PPP2R5C: variants seen among roughly 807,000 people sequenced by gnomAD.
The protein encoded by PPP2R5C is serine/threonine-protein phosphatase 2A 56 kDa regulatory subunit gamma isoform.
Under a neutral mutation model 68.9 loss-of-function variants are expected in PPP2R5C, and 7 were observed. The ratio of observed to expected loss-of-function variants is 0.10; its 90% CI spans 0.06 to 0.19. The LOEUF is 0.19. PPP2R5C is among the 10% of genes least tolerant of loss of function. PPP2R5C has a pLI of 1.00. For synonymous variants in PPP2R5C, 210 were observed against 222.2 expected, an observed-to-expected ratio of 0.95 and a Z score of 0.49; for missense variants, 348 against 641.3, an observed-to-expected ratio of 0.54 and a Z score of 4.94.
chr14:101,884,883 G>A (rs1034910425), intron 5 of PPP2R5C, among the ~76,000 whole-genome samples: 2 of 152,262 alleles, frequency 1.3e-5, no homozygotes, highest in Non-Finnish European at 2.9e-5. Flanking sequence ...CCAGTTTCGT[G>A]CTCCCCACTG....
At chr14:101,837,274 G>A (rs2041171324) in intron 1 of PPP2R5C, among the ~76,000 whole-genome samples, 1 of 152,040 alleles carries the variant, frequency 6.6e-6, no homozygotes, top group East Asian at 1.9e-4. Flanking sequence ...CTCCCAAGTA[G>A]CTGGGATTAC....
At chr14:101,804,642 C>T (rs1212372994) in intron 3 of PPP2R5C, among the ~76,000 whole-genome samples, 2 of 151,970 alleles carry the variant, frequency 1.3e-5, no homozygotes, top group Non-Finnish European at 2.9e-5. Context: ...CATGTTCTCA[C>T]ATATTCATGG....
chr14:101,813,313 G>A (rs1722425001), intron 1 of PPP2R5C, among the ~76,000 whole-genome samples: 1 of 152,248 alleles, frequency 6.6e-6, no homozygotes. Context: ...CTTTGTGGGT[G>A]AAAGCAGCCA....
In PPP2R5C at chr14:101,917,233, G is replaced by A. The variant is rs892785719; in HGVS notation, c.1327-598G>A. ...GGGAGAGTGGAGAAGTCCCAGGGCC[G>A]CCCGTAGGGAATGGAGAGGGAGCGT... is the stretch of plus-strand genomic sequence containing the variant. On this transcript the variant is annotated intron_variant, in intron 12 of 13. Coordinates refer to ENST00000334743, the Ensembl canonical transcript of PPP2R5C. The surrounding 1 kb of genome is among the most constrained non-coding windows in gnomAD (Gnocchi z 4.4). 1.1e-4 allele frequency among the ~76,000 whole-genome samples: 17 copies of A among 152,190 alleles called. No individual in the cohort carries two copies. Among genetic ancestry groups the A allele is most frequent in the Admixed American group, 3.3e-4 (5 of 15,280 alleles).
chr14:101,925,417 G>C, exon 14 of PPP2R5C: 1 of 1,357,204 alleles, frequency 7.4e-7, no homozygotes, highest in Non-Finnish European at 9.7e-7. Context: ...GTCCGCCTCA[G>C]CGCGAGATTA....
At chr14:101,876,317 CAG>C (rs990698910) in intron 2 of PPP2R5C, among the ~76,000 whole-genome samples, 13 of 151,968 alleles carry the variant, frequency 8.6e-5, no homozygotes, top group African/African-American at 2.9e-4. Context: ...ATGAATAAAA[CAG>C]AGAATAAATA....
Position 101,861,641 on chromosome 14 carries a change from T to G in PPP2R5C, c.294+4756T>G, listed in dbSNP as rs773963594. 4.6e-5 allele frequency among the ~76,000 whole-genome samples: 7 copies of G among 152,318 alleles called. No homozygotes were observed. The South Asian group carries it at 1.4e-3, about 32-fold the overall frequency. The stretch of plus-strand genomic sequence containing the variant: ...TTGTGCACACATGGTCTTAGGACTC[T>G]ATGATGAAATGTGAAGGTTTCATAA... On this transcript the variant is annotated intron_variant, in intron 2 of 13. Transcript: ENST00000334743.
rs1350418470 is a variant in PPP2R5C, at chr14:101,906,299, G to A, written c.1024-103G>A. ...TTTGTAGAAATAATCATAATTTTCTGGTCCAAGGTAGTTCATTACCCGACT... is the reference window on the plus strand; with the variant it reads ...TTTGTAGAAATAATCATAATTTTCTAGTCCAAGGTAGTTCATTACCCGACT... On this transcript the variant is annotated intron_variant, in intron 9 of 13. Coordinates refer to ENST00000334743, the Ensembl canonical transcript of PPP2R5C. This position sits in a 1 kb window ranked among gnomAD's most constrained non-coding sequence, Gnocchi z 4.0. The A allele has an allele frequency of 1.7e-6, 2 of 1,204,176 alleles. No homozygotes were observed. Among genetic ancestry groups the A allele is most frequent in the Admixed American group, 2.7e-5 (1 of 37,700 alleles). The allele number at this position is 1,204,176 out of a possible 1,614,324, so 74.6% of individuals were successfully genotyped here. A position where few individuals can be genotyped will look rare whatever the true frequency, so the allele number is the denominator to read the frequency against.
At position 101,888,806 on chromosome 14, in the gene PPP2R5C, C is replaced by T. The variant is rs557020567; in HGVS notation, c.630-1431C>T. ...GGAGTTTTGCCATGTTGGCCAGGCCCGTCTTGAACTCCTGACCTCAGGTGA... is the reference window on the plus strand; with the variant it reads ...GGAGTTTTGCCATGTTGGCCAGGCCTGTCTTGAACTCCTGACCTCAGGTGA... On this transcript the variant is annotated intron_variant, in intron 5 of 13. Transcript: ENST00000334743. The surrounding 1 kb of genome is among the most constrained non-coding windows in gnomAD (Gnocchi z 5.6). Among the ~76,000 whole-genome samples the T allele has an allele frequency of 6.6e-6, 1 of 152,110 alleles. No homozygotes were observed. Among genetic ancestry groups the T allele is most frequent in the Non-Finnish European group, 1.5e-5 (1 of 67,980 alleles).
intron 1 of PPP2R5C, among the ~76,000 whole-genome samples, chr14:101,815,543 G>A (rs2039606359): frequency 2.6e-5 from 4 of 152,160 alleles, no homozygotes; most frequent in Non-Finnish European, 5.9e-5. Flanking sequence ...GGAGTATCCC[G>A]AGGACAGTCC....
chr14:101,877,596 C>T lies in PPP2R5C; in HGVS notation c.295-4565C>T, dbSNP rs183261590. 2.1e-3 allele frequency among the ~76,000 whole-genome samples: 315 copies of T among 152,242 alleles called. 2 individuals are homozygous for T. The highest frequency in any genetic ancestry group is 7.0e-3 in the African/African-American group (292 of 41,528). On this transcript the variant is annotated intron_variant, in intron 2 of 13. Transcript: ENST00000334743. This position sits in a 1 kb window ranked among gnomAD's most constrained non-coding sequence, Gnocchi z 4.2. ...ACATTTGCACACAGACATCAGCACC[C>T]CAGGTTTCTGTACCTGGGGCTCCTG...
At chr14:101,842,757 C>CT (rs60913362) in intron 1 of PPP2R5C, among the ~76,000 whole-genome samples, 106,089 of 137,862 alleles carry the variant, frequency 0.77, 41,066 homozygotes, top group Admixed American at 0.86. Flanking sequence ...TGTCTTTTTT[C>CT]TTTTTTTTTT....
At chr14:101,908,899 CG>C (rs1019834925) in intron 10 of PPP2R5C, among the ~76,000 whole-genome samples, 27 of 152,176 alleles carry the variant, frequency 1.8e-4, no homozygotes, top group African/African-American at 6.5e-4. Context: ...TTGAGGGTTA[CG>C]TTTTTTGGGA....
intron 1 of PPP2R5C, among the ~76,000 whole-genome samples, chr14:101,853,705 C>T (rs1335170272): frequency 1.3e-5 from 2 of 152,120 alleles, no homozygotes; most frequent in African/African-American, 4.8e-5. Context: ...TTCATAGCAC[C>T]GTGGCCTTAG....
intron 13 of PPP2R5C, chr14:101,922,154 T>G: frequency 1.0e-6 from 1 of 985,424 alleles, no homozygotes; most frequent in South Asian, 4.7e-5. Context: ...CTTTTGTCCA[T>G]GTCATTCCAG....
At chr14:101,897,549 G>A (rs779187927) in intron 8 of PPP2R5C, among the ~76,000 whole-genome samples, 31 of 152,084 alleles carry the variant, frequency 2.0e-4, no homozygotes, top group Middle Eastern at 3.4e-3. Flanking sequence ...CGTCCGGCAC[G>A]GGAGAAAGAT....
In PPP2R5C at chr14:101,888,285, G is replaced by C. The variant is rs574274047; in HGVS notation, c.630-1952G>C. On this transcript the variant is annotated intron_variant, in intron 5 of 13. Transcript: ENST00000334743. This position sits in a 1 kb window ranked among gnomAD's most constrained non-coding sequence, Gnocchi z 5.6. ...TATGCAAAGGGAGCCTGCAGGGTGAGTTTCGTAAATTAAAGCACCTCTCGG... is the reference window on the plus strand; with the variant it reads ...TATGCAAAGGGAGCCTGCAGGGTGACTTTCGTAAATTAAAGCACCTCTCGG... Among the ~76,000 whole-genome samples, 11 of 152,164 alleles carry C rather than the reference G, an allele frequency of 7.2e-5. No homozygotes were observed. The highest frequency in any genetic ancestry group is 5.9e-4 in the Admixed American group (9 of 15,290).
chr14:101,777,265 G>C (rs977311712), intron 2 of PPP2R5C, among the ~76,000 whole-genome samples: 1 of 152,132 alleles, frequency 6.6e-6, no homozygotes, highest in African/African-American at 2.4e-5. Flanking sequence ...TGTGAACATT[G>C]TGTACCGATT....
intron 3 of PPP2R5C, among the ~76,000 whole-genome samples, chr14:101,787,737 A>T (rs1475452457): frequency 4.1e-5 from 6 of 146,554 alleles, no homozygotes; most frequent in Non-Finnish European, 9.0e-5. Context: ...ACTGCACTCC[A>T]GCCTGGGCGA....
Sources: gnomAD v4.1 joint callset for allele counts (sites outside exome capture counted in the v4.1 genomes callset) on GRCh38, gnomAD v4.1.1 for gene constraint, Gnocchi (gnomAD v3.1) non-coding constraint, MANE v1.5 for transcripts, NCBI Gene and HGNC (gene_info 2026-07-23, HGNC 2026-07-21) for gene names.